Variants in LIAS observed in about 807,000 individuals in gnomAD.
LIAS encodes the protein lipoic acid synthetase.
Under a neutral mutation model 49.4 loss-of-function variants are expected in LIAS, and 36 were observed. The ratio of observed to expected loss-of-function variants is 0.73; its 90% confidence interval spans 0.56 to 0.96. LIAS has a LOEUF of 0.96. LIAS is among the 40% of genes least tolerant of loss of function. The pLI is 0.00. For synonymous variants in LIAS, 145 were observed against 155.8 expected (o/e 0.93, Z 0.52); for missense variants, 399 against 456.3 (o/e 0.87, Z 1.14).
intron 4 of LIAS, 107 bp from the exon 5 acceptor site, chr4:39,464,939 A>T: frequency 1.2e-6 from 1 of 817,788 alleles, no homozygotes. Flanking sequence ...TTTCTTATAA[A>T]CAGAACCAAA....
At chr4:39,471,340 T>TA (rs761359011) in intron 9 of LIAS, 34 bp downstream of exon 9, 7 of 1,534,892 alleles carry the variant, frequency 4.6e-6, no homozygotes, top group Non-Finnish European at 6.2e-6. Flanking sequence ...TTTTTTTTTT[T>TA]TTTATTTTTA....
In LIAS at chr4:39,465,143, C is replaced by T. The variant is rs200619391; in HGVS notation, c.491C>T (p.Ala164Val). Residue 164 changes from alanine to valine, a missense_variant, in exon 5 of 11, where the codon GCA becomes GTA. Ala to Val is a moderately conservative substitution (Grantham distance 64). This residue lies in a region of LIAS where 234 missense variants were observed against 292.2 expected (regional missense o/e 0.80). Transcript: ENST00000640888. ...PLDASEPYNT[A>V]KAIAEWGLDY... Reference sequence around the variant, plus strand: ...GATGCCAGTGAGCCCTACAATACTGCAAAGGCAATTGCAGAATGGGGTCTG... The same window carrying T: ...GATGCCAGTGAGCCCTACAATACTGTAAAGGCAATTGCAGAATGGGGTCTG... 6.2e-7 allele frequency: 1 copy of T among 1,614,206 alleles called. No homozygotes were observed. Among genetic ancestry groups the T allele is most frequent in the East Asian group, 2.2e-5 (1 of 44,886 alleles).
chr4:39,468,550 A>ATT (rs1170596307), intron 7 of LIAS: 17 of 143,464 alleles, frequency 1.2e-4, no homozygotes, highest in African/African-American at 2.6e-5. Context: ...ATTCATATAT[A>ATT]TTTATATATA....
rs373474311 is a variant in LIAS, at chr4:39,462,144, A to G, written c.219-52A>G. On this transcript the variant is annotated intron_variant, in intron 2 of 10. Transcript: ENST00000640888. ...GAAGAAATTAACTTCAAAGCTGTGT[A>G]ATTATTTGGCAGCATATTTGTTAAT... The G allele has an allele frequency of 3.7e-5, 28 of 760,596 alleles. 1 individual carries two copies. The African/African-American group carries it at 4.4e-4, about 12-fold the overall frequency. 47.1% of individuals were successfully genotyped at this position (760,596 alleles called of 1,614,324 possible). A position where few individuals can be genotyped will look rare whatever the true frequency, so the allele number is the denominator to read the frequency against.
At chr4:39,462,112 T>A (rs1325844854) in intron 2 of LIAS, 84 bp from the exon 3 acceptor site, 1 of 522,954 alleles carries the variant, frequency 1.9e-6, no homozygotes, top group East Asian at 3.5e-5. Context: ...AACTAGGAAT[T>A]GTAATAGAAG....
chr4:39,471,084 C>T, intron 8 of LIAS, 152 bp from the exon 9 acceptor site: 1 of 593,092 alleles, frequency 1.7e-6, no homozygotes, highest in Non-Finnish European at 3.0e-6. Context: ...GCACATAATA[C>T]TTTTGAATGA....
chr4:39,469,017 T>A (rs897971397), intron 7 of LIAS: 9 of 152,320 alleles, frequency 5.9e-5, no homozygotes, highest in African/African-American at 2.2e-4. Context: ...AAGTAAGGAT[T>A]GTTATCCACA....
intron 1 of LIAS, 70 bp downstream of exon 1, chr4:39,459,232 A>C: frequency 7.2e-7 from 1 of 1,391,894 alleles, no homozygotes; most frequent in Non-Finnish European, 9.9e-7. Flanking sequence ...GCCCATGCCC[A>C]ATAATAAAGG....
chr4:39,476,929 T>G, intron 10 of LIAS, 134 bp from the exon 11 acceptor site: 3 of 617,362 alleles, frequency 4.9e-6, no homozygotes, highest in Non-Finnish European at 8.4e-6. Flanking sequence ...CATTGAGGTT[T>G]GAGAAGAGAG....
intron 10 of LIAS, chr4:39,473,511 G>T: frequency 4.7e-6 from 1 of 211,862 alleles, no homozygotes. Flanking sequence ...TTCAGTAGTA[G>T]GTTATTCAGA....
intron 4 of LIAS, chr4:39,464,033 T>C (rs13104931): frequency 0.16 from 25,048 of 153,026 alleles, 2,307 homozygotes; most frequent in African/African-American, 0.24. Flanking sequence ...TGAATAGATA[T>C]AAAAGTATCT....
chr4:39,463,383 C>T, intron 3 of LIAS, 142 bp from the exon 4 acceptor site: 1 of 1,157,282 alleles, frequency 8.6e-7, no homozygotes, highest in Non-Finnish European at 1.1e-6. Context: ...CGCACTTGGT[C>T]TTAACAGCAT....
chr4:39,459,959 C>CAAA (rs3836576), intron 1 of LIAS, among the ~76,000 whole-genome samples: 3 of 135,116 alleles, frequency 2.2e-5, no homozygotes, highest in South Asian at 4.8e-4. Context: ...GACTCCATCT[C>CAAA]AAAAAAAAAA....
At chr4:39,467,341 C>CTTT in intron 6 of LIAS, 177 bp from the exon 7 acceptor site, 10 of 379,610 alleles carry the variant, frequency 2.6e-5, no homozygotes, top group East Asian at 4.6e-5. Context: ...TAACGGTCTG[C>CTTT]TTTTTTTTTT....
intron 9 of LIAS, among the ~76,000 whole-genome samples, chr4:39,471,668 A>G (rs1744995952): frequency 6.6e-6 from 1 of 151,670 alleles, no homozygotes; most frequent in Admixed American, 6.6e-5. Context: ...CTGGGATTAC[A>G]GGCACACACT....
rs955480729 is a variant in LIAS at position 39,465,059 on chromosome 4, C to T, written c.407C>T (p.Thr136Ile). ...ATATIMLMGD[T>I]CTRGCRFCSV... ...TTTCTATTCTAGTTGATGGGTGACA[C>T]ATGTACAAGAGGTTGCAGATTTTGT... Residue 136 changes from threonine (T) to isoleucine (I), a missense_variant, in exon 5 of 11, where the codon ACA becomes ATA. Thr to Ile is a moderately conservative substitution (Grantham distance 89). Transcript: ENST00000640888. 4.3e-6 allele frequency: 7 copies of T among 1,613,206 alleles called. No individual in the cohort carries two copies. The highest frequency in any genetic ancestry group is 5.9e-6 in the Non-Finnish European group (7 of 1,179,540).
At position 39,470,449 on chromosome 4, in the gene LIAS, G is replaced by A. The variant is rs1375441446; in HGVS notation, c.883+285G>A. The A allele has an allele frequency of 1.1e-5, 3 of 269,044 alleles. No homozygotes were observed. In the South Asian group the frequency reaches 1.6e-4, roughly 14 times the overall value. The allele number at this position is 269,044 out of a possible 1,614,324, so 16.7% of individuals were successfully genotyped here. On this transcript the variant is annotated intron_variant, in intron 8 of 10. Coordinates refer to ENST00000640888, the MANE Select transcript of LIAS (RefSeq NM_006859.4). ...TCCCCATCCTTTGCATCCACTGAAA[G>A]CATGATTTCATCCACTTTTCTCATT... is the stretch of plus-strand genomic sequence containing the variant.
rs753580474 is a variant in LIAS, at chr4:39,467,545, T to C, written c.636T>C (p.Leu212=). 1 of 1,607,486 alleles carries C rather than the reference T, an allele frequency of 6.2e-7. No homozygotes were observed. The highest frequency in any genetic ancestry group is 8.5e-7 in the Non-Finnish European group (1 of 1,176,910). The change falls in exon 7 of 11, where the codon CTT becomes CTC. Residue 212 remains leucine (L), a synonymous_variant. Transcript: ENST00000640888. The stretch of plus-strand genomic sequence containing the variant: ...ATCCAAAAATCCTTGTGGAGTGTCT[T>C]ACTCCTGATTTTCGAGGTGATCTCA... ...ERNPKILVEC[L]TPDFRGDLKA... is the part of the protein sequence containing the mutation.
chr4:39,460,595 C>G (rs1233162074), intron 1 of LIAS, among the ~76,000 whole-genome samples, 195 bp from the exon 2 acceptor site: 2 of 150,268 alleles, frequency 1.3e-5, no homozygotes, highest in Non-Finnish European at 3.0e-5. Context: ...AAACAGTCAA[C>G]TCTTACTCTC....
Sources: gnomAD v4.1 joint callset for allele counts (sites outside exome capture counted in the v4.1 genomes callset) on GRCh38, gnomAD v4.1.1 for gene constraint, gnomAD v4.1.1 regional missense constraint, MANE v1.5 for transcripts, NCBI Gene and HGNC (gene_info 2026-07-23, HGNC 2026-07-21) for gene names.